Variants in NCAPG observed in about 807,000 individuals in gnomAD.
NCAPG encodes the protein non-SMC condensin I complex subunit G.
A neutral mutation model predicts 113.1 loss-of-function variants in NCAPG; 69 were observed. That is an observed-to-expected ratio of 0.61 (90% CI 0.50 to 0.75). The LOEUF is 0.75. Ranked by LOEUF, NCAPG falls within the 30% of genes least tolerant of loss-of-function variation. The pLI is 0.00. For synonymous variants in NCAPG, 370 were observed against 415.8 expected (o/e 0.89, Z 1.34); for missense variants, 1,058 against 1,177.0 (o/e 0.90, Z 1.48).
At chr4:17,843,224 A>AAAC in intron 20 of NCAPG, 78 bp from the exon 21 acceptor site, 1 of 1,492,286 alleles carries the variant, frequency 6.7e-7, no homozygotes, top group East Asian at 2.3e-5. Flanking sequence ...TGTGAGTCAG[A>AAAC]AACAAAAAAG....
Position 17,823,681 on chromosome 4 carries a change from A to T in NCAPG, c.1294A>T (p.Ile432Phe). Residue 432 changes from isoleucine to phenylalanine, a missense_variant, in exon 9 of 21, where the codon ATT becomes TTT. Coordinates refer to ENST00000251496, the MANE Select transcript of NCAPG (RefSeq NM_022346.5). ...KLLAVLQEIL[I>F]LPTIPISLVS... ...GCTGGCTGTTTTACAGGAGATTCTTATTTTACCCACAATCCCAATATCCCT... is the reference window on the plus strand; with the variant it reads ...GCTGGCTGTTTTACAGGAGATTCTTTTTTTACCCACAATCCCAATATCCCT... 6.2e-7 allele frequency: 1 copy of T among 1,611,286 alleles called. No homozygotes were observed. Among genetic ancestry groups the T allele is most frequent in the Non-Finnish European group, 8.5e-7 (1 of 1,177,946 alleles).
Position 17,817,164 on chromosome 4 carries a change from ATTG to A in NCAPG, c.776-95_776-93del. The A allele has an allele frequency of 3.6e-6, 3 of 833,026 alleles. No homozygotes were observed. In the South Asian group the frequency reaches 5.1e-5, roughly 14 times the overall value. The allele number at this position is 833,026 out of a possible 1,614,324, so 51.6% of individuals were successfully genotyped here. A position where few individuals can be genotyped will look rare whatever the true frequency, so the allele number is the denominator to read the frequency against. On this transcript the variant is annotated intron_variant, in intron 5 of 20. Coordinates refer to ENST00000251496, the MANE Select transcript of NCAPG (RefSeq NM_022346.5). The stretch of plus-strand genomic sequence containing the variant: ...GTGCCTCTTAACCTCTACTATTTCT[ATTG>A]TAAATACTGACTTTGTTAATTAAAA...
chr4:17,811,128 G>A lies in NCAPG; in HGVS notation c.51G>A (p.Ala17=), dbSNP rs1720906265. The change falls in exon 1 of 21, where the codon GCG becomes GCA. Residue 17 remains alanine, a synonymous_variant. Coordinates refer to ENST00000251496, the MANE Select transcript of NCAPG (RefSeq NM_022346.5). This position sits in a 1 kb window ranked among gnomAD's most constrained non-coding sequence, Gnocchi z 5.3. ...LLSIKEAFRL[A]QQPHQNQAKL... is the part of the protein sequence containing the mutation. ...CGATTAAGGAGGCCTTTCGGCTGGC[G>A]CAGCAGCCGCACCAGAACCAGGCGA... 1 of 1,520,872 alleles carries A rather than the reference G, an allele frequency of 6.6e-7. No individual in the cohort carries two copies. The highest frequency in any genetic ancestry group is 2.8e-5 in the East Asian group (1 of 36,260). 94.2% of individuals were successfully genotyped at this position (1,520,872 alleles called of 1,614,324 possible). A position where few individuals can be genotyped will look rare whatever the true frequency, so the allele number is the denominator to read the frequency against.
chr4:17,818,046 A>C lies in NCAPG; in HGVS notation c.1076A>C (p.Gln359Pro). The change falls in exon 7 of 21, where the codon CAG becomes CCG. Residue 359 changes from glutamine to proline, a missense_variant. By Grantham distance (76) the Gln-to-Pro change is moderately conservative. Coordinates refer to ENST00000251496, the MANE Select transcript of NCAPG (RefSeq NM_022346.5). ...KGDEGEEFLEQILPEPVVYAD... is the reference protein window; with the variant it reads ...KGDEGEEFLEPILPEPVVYAD... ...GATGAAGGTGAAGAATTTTTAGAGCAGATTTTGCCAGAGCCTGTAGTATAT... is the reference window on the plus strand; with the variant it reads ...GATGAAGGTGAAGAATTTTTAGAGCCGATTTTGCCAGAGCCTGTAGTATAT... The C allele has an allele frequency of 1.9e-6, 3 of 1,613,474 alleles. No homozygotes were observed. Among genetic ancestry groups the C allele is most frequent in the South Asian group, 1.1e-5 (1 of 90,966 alleles).
In NCAPG at chr4:17,811,039, G is replaced by A; in HGVS notation, c.-39G>A. On this transcript the variant is annotated 5_prime_UTR_variant, in exon 1 of 21. Transcript: ENST00000251496. This position sits in a 1 kb window ranked among gnomAD's most constrained non-coding sequence, Gnocchi z 5.3. ...GTTGGCGGGCTGGCAGGCTGTAGCCGAGCGCGGGCAGGACTCGTCCCGGCA... is the reference window on the plus strand; with the variant it reads ...GTTGGCGGGCTGGCAGGCTGTAGCCAAGCGCGGGCAGGACTCGTCCCGGCA... The A allele has an allele frequency of 2.2e-6, 3 of 1,340,764 alleles. No individual in the cohort carries two copies. Among genetic ancestry groups the A allele is most frequent in the Admixed American group, 2.8e-5 (1 of 35,162 alleles). The allele number at this position is 1,340,764 out of a possible 1,614,324, so 83.1% of individuals were successfully genotyped here.
Position 17,817,473 on chromosome 4 carries a change from T to G in NCAPG, c.968+20T>G. On this transcript the variant is annotated intron_variant, in intron 6 of 20. Coordinates refer to ENST00000251496, the MANE Select transcript of NCAPG (RefSeq NM_022346.5). The stretch of plus-strand genomic sequence containing the variant: ...TGGCAGGTACATAAAGGATTCATTC[T>G]TTGAAATGTAGTACTGATTAACTTG... 1 of 1,602,524 alleles carries G rather than the reference T, an allele frequency of 6.2e-7. No individual in the cohort carries two copies. The highest frequency in any genetic ancestry group is 8.5e-7 in the Non-Finnish European group (1 of 1,171,320).
intron 11 of NCAPG, among the ~76,000 whole-genome samples, chr4:17,827,870 A>C (rs1721714233): frequency 6.9e-6 from 1 of 145,456 alleles, no homozygotes; most frequent in Non-Finnish European, 1.5e-5. Flanking sequence ...CAGTGGCATG[A>C]TCTCAGCTCA....
At chr4:17,843,278 C>T (rs774042015) in intron 20 of NCAPG, 24 bp from the exon 21 acceptor site, 20 of 1,595,232 alleles carry the variant, frequency 1.3e-5, no homozygotes, top group South Asian at 5.7e-5. Flanking sequence ...TATCTAAATT[C>T]GTGTATTTTC....
intron 12 of NCAPG, among the ~76,000 whole-genome samples, chr4:17,830,040 G>A (rs2109057443): frequency 6.6e-6 from 1 of 152,274 alleles, no homozygotes; most frequent in Non-Finnish European, 1.5e-5. Flanking sequence ...TAATATGGTA[G>A]CTGTCAGCCA....
At chr4:17,835,958 T>G (rs547234248) in intron 14 of NCAPG, among the ~76,000 whole-genome samples, 3 of 152,342 alleles carry the variant, frequency 2.0e-5, no homozygotes, top group South Asian at 4.1e-4. Flanking sequence ...TTTGTTTGAG[T>G]AGCTGTTTCA....
chr4:17,841,669 T>C (rs899293848), intron 19 of NCAPG: 2 of 151,956 alleles, frequency 1.3e-5, no homozygotes, highest in Non-Finnish European at 2.9e-5. Flanking sequence ...TATATTCATA[T>C]TGTTTTATTC....
At chr4:17,833,964 T>C (rs1469953229) in intron 13 of NCAPG, among the ~76,000 whole-genome samples, 2 of 152,150 alleles carry the variant, frequency 1.3e-5, no homozygotes, top group Non-Finnish European at 2.9e-5. Context: ...AAAAATAAAA[T>C]CATAGTTGAA....
intron 14 of NCAPG, among the ~76,000 whole-genome samples, chr4:17,835,567 C>T (rs1722062393): frequency 6.6e-6 from 1 of 152,198 alleles, no homozygotes; most frequent in Non-Finnish European, 1.5e-5. Context: ...CCACCTTTAT[C>T]ATCTAATTTA....
intron 15 of NCAPG, 91 bp downstream of exon 15, chr4:17,837,431 A>T (rs538976389): frequency 1.5e-6 from 2 of 1,315,216 alleles, no homozygotes; most frequent in Non-Finnish European, 2.1e-6. Context: ...TTTGTTGTTG[A>T]TACTTTTTCT....
At chr4:17,817,511 G>GT (rs905838604) in intron 6 of NCAPG, 58 bp downstream of exon 6, 71 of 1,422,942 alleles carry the variant, frequency 5.0e-5, no homozygotes, top group African/African-American at 1.2e-4. Flanking sequence ...CAATTAATTT[G>GT]TTTTTTTTCC....
chr4:17,816,224 C>T (rs543591783), intron 5 of NCAPG, among the ~76,000 whole-genome samples: 4 of 152,240 alleles, frequency 2.6e-5, no homozygotes, highest in African/African-American at 4.8e-5. Context: ...TCATAAGGAG[C>T]GTGCAACCTG....
At chr4:17,814,380 A>G (rs1011898707) in intron 3 of NCAPG, among the ~76,000 whole-genome samples, 9 of 152,312 alleles carry the variant, frequency 5.9e-5, no homozygotes, top group African/African-American at 2.2e-4. Context: ...AACCTGGGCA[A>G]CATAGTGAGA....
rs1721023332 is a variant in NCAPG at position 17,812,395 on chromosome 4, T to C, written c.286T>C (p.Leu96=). The C allele has an allele frequency of 1.2e-6, 2 of 1,613,576 alleles. No homozygotes were observed. The highest frequency in any genetic ancestry group is 3.3e-5 in the Admixed American group (2 of 59,982). Reference sequence around the variant, plus strand: ...TGAGGAAGAGGAAGATGGTGGCCTTTTAAATTATTTGTTTACTTTTCTCTT... The same window carrying C: ...TGAGGAAGAGGAAGATGGTGGCCTTCTAAATTATTTGTTTACTTTTCTCTT... ...DDEEEEDGGL[L]NYLFTFLLKS... Residue 96 remains leucine (L), a synonymous_variant, in exon 2 of 21, where the codon TTA becomes CTA. Coordinates refer to ENST00000251496, the MANE Select transcript of NCAPG (RefSeq NM_022346.5).
At position 17,812,995 on chromosome 4, in the gene NCAPG, A is replaced by T; in HGVS notation, c.394A>T (p.Asn132Tyr). ...CAAGCTTTTGGGAAGTATGCCAGAA[A>T]ATGCTCAGATTGATGATGATGTGTT... Reference protein sequence around the residue: ...INKLLGSMPENAQIDDDVFDK... With the variant: ...INKLLGSMPEYAQIDDDVFDK... The change falls in exon 3 of 21, where the codon AAT becomes TAT. Residue 132 changes from asparagine (N) to tyrosine (Y), a missense_variant. Physicochemically the swap from Asn to Tyr is moderately radical, Grantham distance 143. Transcript: ENST00000251496. 6.2e-7 allele frequency: 1 copy of T among 1,614,068 alleles called. No homozygotes were observed. The highest frequency in any genetic ancestry group is 1.1e-5 in the South Asian group (1 of 91,084).
Sources: gnomAD v4.1 joint callset for allele counts (sites outside exome capture counted in the v4.1 genomes callset) on GRCh38, gnomAD v4.1.1 for gene constraint, Gnocchi (gnomAD v3.1) non-coding constraint, MANE v1.5 for transcripts, NCBI Gene and HGNC (gene_info 2026-07-23, HGNC 2026-07-21) for gene names.